ACTR3C: variants seen among roughly 807,000 people sequenced by gnomAD.
ACTR3C encodes the protein actin-related protein 3C.
In ACTR3C, 18 loss-of-function variants were observed where a neutral mutation model predicts 26.3. The ratio of observed to expected loss-of-function variants is 0.68; its 90% CI spans 0.47 to 1.01. The LOEUF (loss-of-function observed/expected upper bound fraction) is 1.01. Among genes scored for constraint, ACTR3C ranks in the 50% least tolerant of loss-of-function variants. ACTR3C has a pLI of 0.00. For synonymous variants in ACTR3C, 55 were observed against 94.5 expected (o/e 0.58, Z 2.42); for missense variants, 184 against 250.7 (o/e 0.73, Z 1.80).
the ACTR3C span, among the ~76,000 whole-genome samples, chr7:150,004,135 G>A: frequency 2.0e-5 from 3 of 150,964 alleles, no homozygotes; most frequent in East Asian, 3.9e-4. Context: ...AAGTTGTGTG[G>A]CATGTGGTGT....
At chr7:150,305,238 T>G (rs558162221) in intron 1 of ACTR3C, among the ~76,000 whole-genome samples, 1 of 152,250 alleles carries the variant, frequency 6.6e-6, no homozygotes, top group East Asian at 1.9e-4. Flanking sequence ...CCTGAAGGAT[T>G]TTCATGGGTG....
At chr7:149,977,328 G>C in the ACTR3C span, among the ~76,000 whole-genome samples, 1 of 152,114 alleles carries the variant, frequency 6.6e-6, no homozygotes, top group African/African-American at 2.4e-5. Flanking sequence ...AGGTAAACTG[G>C]GACCCAAGAT....
chr7:150,123,847 C>A, the ACTR3C span, among the ~76,000 whole-genome samples: 1 of 152,158 alleles, frequency 6.6e-6, no homozygotes, highest in Non-Finnish European at 1.5e-5. Context: ...GGGTGCTATC[C>A]CCTGAGCAGG....
At chr7:150,160,792 A>G in the ACTR3C span, among the ~76,000 whole-genome samples, 1 of 151,916 alleles carries the variant, frequency 6.6e-6, no homozygotes, top group East Asian at 1.9e-4. Flanking sequence ...ACAGGGACTG[A>G]CCCAGAGAAG....
chr7:150,251,377 A>G (rs1255217970), intron 6 of ACTR3C, among the ~76,000 whole-genome samples: 1 of 152,212 alleles, frequency 6.6e-6, no homozygotes, highest in Admixed American at 6.5e-5. Context: ...TTAGGAAAAA[A>G]TGAAGACAGG....
the ACTR3C span, among the ~76,000 whole-genome samples, chr7:149,925,445 G>A: frequency 6.6e-6 from 1 of 152,134 alleles, no homozygotes; most frequent in Non-Finnish European, 1.5e-5. Flanking sequence ...GGGGAAGCCG[G>A]CACCATTAGA....
chr7:150,035,077 T>G, the ACTR3C span, among the ~76,000 whole-genome samples: 6 of 135,480 alleles, frequency 4.4e-5, no homozygotes, highest in Non-Finnish European at 9.6e-5. Context: ...GTCGGAAGAT[T>G]TGAACTTTCT....
the ACTR3C span, among the ~76,000 whole-genome samples, chr7:150,114,768 C>A: frequency 3.3e-5 from 5 of 152,278 alleles, no homozygotes; most frequent in Non-Finnish European, 5.9e-5. Flanking sequence ...CTGAACGCAC[C>A]TGATCTTATC....
the ACTR3C span, among the ~76,000 whole-genome samples, chr7:150,198,737 C>G: frequency 1.4e-5 from 2 of 147,034 alleles, no homozygotes; most frequent in East Asian, 2.0e-4. Context: ...GCAGCCACCC[C>G]GTCCGGGAGG....
At chr7:150,134,050 C>T in the ACTR3C span, among the ~76,000 whole-genome samples, 1 of 152,070 alleles carries the variant, frequency 6.6e-6, no homozygotes, top group Non-Finnish European at 1.5e-5. Context: ...CAAGAGATTT[C>T]TTATTTTAAG....
the ACTR3C span, among the ~76,000 whole-genome samples, chr7:150,237,752 C>A: frequency 1.3e-5 from 2 of 151,792 alleles, no homozygotes; most frequent in South Asian, 2.1e-4. Context: ...AGGTGTGGGA[C>A]CTTGCTGGTA....
chr7:149,893,343 G>A, the ACTR3C span, among the ~76,000 whole-genome samples: 4 of 152,190 alleles, frequency 2.6e-5, no homozygotes, highest in Middle Eastern at 3.2e-3. Flanking sequence ...CTACCAAACT[G>A]TAGATTCCTT....
chr7:150,286,589 T>A, intron 4 of ACTR3C, 49 bp from the exon 5 acceptor site: 1 of 1,592,516 alleles, frequency 6.3e-7, no homozygotes, highest in African/African-American at 1.4e-5. Context: ...CTGCCCAGTG[T>A]CTCTGCCCTC....
chr7:150,041,356 T>A, the ACTR3C span: 1 of 150,680 alleles, frequency 6.6e-6, no homozygotes, highest in Non-Finnish European at 1.5e-5. Context: ...TTCTTTCTGT[T>A]CCCGAGCTGC....
At chr7:150,034,023 C>G in the ACTR3C span, among the ~76,000 whole-genome samples, 1 of 151,246 alleles carries the variant, frequency 6.6e-6, no homozygotes, top group Non-Finnish European at 1.5e-5. Context: ...GATGGTGGTC[C>G]CAAGAGCCAG....
Position 150,275,351 on chromosome 7 carries a change from C to G in ACTR3C, c.564+9402G>C, listed in dbSNP as rs932920554. Among the ~76,000 whole-genome samples, 51 of 152,258 alleles carry G rather than the reference C, an allele frequency of 3.3e-4. 1 individual carries two copies. Among genetic ancestry groups the G allele is most frequent in the Middle Eastern group, 3.4e-3 (1 of 294 alleles). ...ATACATAGCATATGAAACATAAATA[C>G]AAGAGGACATATCTATCCACCTATT... is the stretch of plus-strand genomic sequence containing the variant. On this transcript the variant is annotated intron_variant, in intron 6 of 7. Transcript: ENST00000683684.
the ACTR3C span, among the ~76,000 whole-genome samples, chr7:150,015,535 C>T: frequency 6.6e-6 from 1 of 152,136 alleles, no homozygotes; most frequent in Non-Finnish European, 1.5e-5. Context: ...TGCAGAAAGA[C>T]ACGTTCCCTT....
At chr7:150,281,749 A>G (rs1246064419) in intron 6 of ACTR3C, among the ~76,000 whole-genome samples, 1 of 152,152 alleles carries the variant, frequency 6.6e-6, no homozygotes, top group Non-Finnish European at 1.5e-5. Flanking sequence ...TGAGGCTTCC[A>G]TAAGTAACTC....
At chr7:149,969,986 A>G in the ACTR3C span, among the ~76,000 whole-genome samples, 1 of 152,138 alleles carries the variant, frequency 6.6e-6, no homozygotes, top group East Asian at 1.9e-4. Flanking sequence ...AAAAAGTGTT[A>G]TGGTGGCTTG....
Sources: allele counts gnomAD v4.1 joint callset (sites outside exome capture counted in the v4.1 genomes callset), GRCh38; gene constraint gnomAD v4.1.1; transcripts MANE v1.5; gene names NCBI Gene and HGNC (gene_info 2026-07-23, HGNC 2026-07-21).